Variants in SLC9A9 observed in about 807,000 individuals in gnomAD.
SLC9A9 encodes solute carrier family 9 member A9, also known as sodium/hydrogen exchanger 9.
SLC9A9 carries 62 observed loss-of-function variants against 77.8 expected under a neutral mutation model. The observed-to-expected ratio is 0.80, with a 90% CI of 0.65 to 0.98. The LOEUF (loss-of-function observed/expected upper bound fraction) is 0.98, where lower values mean the gene tolerates loss of function less well. SLC9A9 is among the 50% of genes least tolerant of loss of function. SLC9A9 has a pLI of 0.00. For missense variants in SLC9A9, 775 were observed against 774.9 expected (o/e 1.00, Z 0.00); for synonymous variants, 320 against 283.5 (o/e 1.13, Z -1.29).
At chr3:143,300,157 G>A (rs1050568711) in intron 14 of SLC9A9, among the ~76,000 whole-genome samples, 1 of 152,130 alleles carries the variant, frequency 6.6e-6, no homozygotes, top group African/African-American at 2.4e-5. Flanking sequence ...GGAAGCATTA[G>A]TGTAAGTCCT....
chr3:143,827,463 T>C (rs1331616170), intron 2 of SLC9A9, among the ~76,000 whole-genome samples: 3 of 152,200 alleles, frequency 2.0e-5, no homozygotes, highest in Non-Finnish European at 4.4e-5. Flanking sequence ...ACAAAACAAG[T>C]TTGGCATATG....
At chr3:143,436,909 C>G (rs1163449802) in intron 12 of SLC9A9, among the ~76,000 whole-genome samples, 2 of 152,226 alleles carry the variant, frequency 1.3e-5, no homozygotes, top group Admixed American at 1.3e-4. Flanking sequence ...TGTGTCCACT[C>G]AGAAGTCACT....
chr3:143,371,932 C>G, intron 13 of SLC9A9: 1 of 372,608 alleles, frequency 2.7e-6, no homozygotes, highest in South Asian at 2.2e-5. Context: ...AGTGACCAAG[C>G]TGAGAATCAA....
chr3:143,266,593 G>T lies in SLC9A9; in HGVS notation c.*109C>A. 1 of 1,066,010 alleles carries T rather than the reference G, an allele frequency of 9.4e-7. No homozygotes were observed. The highest frequency in any genetic ancestry group is 1.4e-6 in the Non-Finnish European group (1 of 703,362). The allele number at this position is 1,066,010 out of a possible 1,614,324, so 66.0% of individuals were successfully genotyped here. A position where few individuals can be genotyped will look rare whatever the true frequency, so the allele number is the denominator to read the frequency against. The stretch of plus-strand genomic sequence containing the variant: ...AAGGCTTTGATTCTCTCCAATTTAT[G>T]CTCTTAATATGTTTTCCAGCCTCTC... On this transcript the variant is annotated 3_prime_UTR_variant, in exon 16 of 16. Coordinates refer to ENST00000316549, the MANE Select transcript of SLC9A9 (RefSeq NM_173653.4).
At chr3:143,473,154 A>G (rs779637241) in intron 11 of SLC9A9, among the ~76,000 whole-genome samples, 2 of 152,150 alleles carry the variant, frequency 1.3e-5, no homozygotes, top group African/African-American at 2.4e-5. Flanking sequence ...TTCCCACTGC[A>G]CCACCTTGGC....
chr3:143,612,206 C>T (rs530483182), intron 6 of SLC9A9, among the ~76,000 whole-genome samples: 11 of 152,314 alleles, frequency 7.2e-5, no homozygotes, highest in African/African-American at 2.6e-4. Flanking sequence ...TTGTCAGTGT[C>T]AAGTTTGAAG....
At chr3:143,641,385 CTTTTTTTTTTTTT>C (rs529425639) in intron 6 of SLC9A9, among the ~76,000 whole-genome samples, 1 of 78,820 alleles carries the variant, frequency 1.3e-5, no homozygotes, top group East Asian at 4.5e-4. Flanking sequence ...TTGTCACAGT[CTTTTTTTTTTTTT>C]TTTTTTTTTT....
At chr3:143,295,663 T>C (rs924277532) in intron 14 of SLC9A9, among the ~76,000 whole-genome samples, 2 of 152,172 alleles carry the variant, frequency 1.3e-5, no homozygotes, top group African/African-American at 4.8e-5. Context: ...CTTCAACCTC[T>C]CATATCCATC....
At chr3:143,473,823 A>G (rs2035418557) in intron 11 of SLC9A9, among the ~76,000 whole-genome samples, 1 of 152,164 alleles carries the variant, frequency 6.6e-6, no homozygotes, top group Non-Finnish European at 1.5e-5. Context: ...AAATCGAACT[A>G]CTGTAGTGGT....
At chr3:143,472,626 T>C (rs1180970902) in intron 11 of SLC9A9, among the ~76,000 whole-genome samples, 1 of 152,204 alleles carries the variant, frequency 6.6e-6, no homozygotes, top group Non-Finnish European at 1.5e-5. Context: ...TCAGAGCCCT[T>C]ATTACTGTAC....
intron 4 of SLC9A9, among the ~76,000 whole-genome samples, chr3:143,723,430 G>C (rs912604204): frequency 2.6e-5 from 4 of 152,166 alleles, no homozygotes; most frequent in African/African-American, 4.8e-5. Context: ...CCAGGATGGT[G>C]ATGGATAGCA....
intron 9 of SLC9A9, among the ~76,000 whole-genome samples, chr3:143,544,164 GTTTTC>G (rs2036743482): frequency 6.6e-6 from 1 of 152,186 alleles, no homozygotes; most frequent in Admixed American, 6.5e-5. Context: ...CCACTTGTAT[GTTTTC>G]TTTTGAGAAG....
intron 6 of SLC9A9, among the ~76,000 whole-genome samples, chr3:143,619,623 T>A (rs985357849): frequency 2.0e-5 from 3 of 152,178 alleles, no homozygotes; most frequent in Non-Finnish European, 4.4e-5. Context: ...GGCAAATAAA[T>A]CCTCATTTTA....
chr3:143,522,903 A>G (rs1001835953), intron 9 of SLC9A9, among the ~76,000 whole-genome samples: 19 of 152,182 alleles, frequency 1.2e-4, no homozygotes, highest in African/African-American at 4.6e-4. Context: ...GGTTAATAGA[A>G]AGAAGAGACA....
intron 12 of SLC9A9, among the ~76,000 whole-genome samples, chr3:143,453,141 A>AT (rs2035036255): frequency 6.6e-6 from 1 of 152,074 alleles, no homozygotes; most frequent in Non-Finnish European, 1.5e-5. Flanking sequence ...ATACTTGACC[A>AT]TTTTTTAGCT....
chr3:143,797,262 T>C (rs2008411726), intron 2 of SLC9A9, among the ~76,000 whole-genome samples: 1 of 147,386 alleles, frequency 6.8e-6, no homozygotes, highest in Non-Finnish European at 1.5e-5. Context: ...TTTTTGGAAA[T>C]TGGTTCTTCG....
intron 6 of SLC9A9, among the ~76,000 whole-genome samples, chr3:143,584,342 C>T (rs1164656879): frequency 6.6e-6 from 1 of 152,192 alleles, no homozygotes; most frequent in African/African-American, 2.4e-5. Context: ...GACCGGTCCT[C>T]TCAAATCCCA....
intron 6 of SLC9A9, among the ~76,000 whole-genome samples, chr3:143,642,161 C>T (rs1374428888): frequency 1.3e-5 from 2 of 152,166 alleles, no homozygotes; most frequent in Non-Finnish European, 1.5e-5. Context: ...AATGAATTTC[C>T]TGCAATACTT....
intron 12 of SLC9A9, among the ~76,000 whole-genome samples, chr3:143,385,592 A>G (rs1292926986): frequency 6.6e-6 from 1 of 152,254 alleles, no homozygotes; most frequent in East Asian, 1.9e-4. Flanking sequence ...ATTCACTTTA[A>G]ACAAATTTTT....
Sources: gnomAD v4.1 joint callset for allele counts (sites outside exome capture counted in the v4.1 genomes callset) on GRCh38, gnomAD v4.1.1 for gene constraint, MANE v1.5 for transcripts, NCBI Gene and HGNC (gene_info 2026-07-23, HGNC 2026-07-21) for gene names.